PRSS50: variants seen among roughly 807,000 people sequenced by gnomAD.
The protein encoded by PRSS50 is serine protease 50.
In PRSS50, 23 loss-of-function variants were observed where a neutral mutation model predicts 34.2. The observed-to-expected ratio is 0.67, with a 90% CI of 0.48 to 0.95. The LOEUF is 0.95. Ranked by LOEUF, PRSS50 falls within the 40% of genes least tolerant of loss-of-function variation. PRSS50 has a pLI of 0.00. For synonymous variants in PRSS50, 224 were observed against 211.2 expected, an observed-to-expected ratio of 1.06 and a Z score of -0.53; for missense variants, 484 against 513.4, an observed-to-expected ratio of 0.94 and a Z score of 0.55.
In PRSS50 at chr3:46,714,233, G is replaced by T; in HGVS notation, c.739C>A (p.Leu247Ile). 6.2e-7 allele frequency: 1 copy of T among 1,613,998 alleles called. No homozygotes were observed. ...HSRCTVTGWG[L>I]SKADGMWPQF... ...TTTGACTCACCGTCAGCCTTGGAAAGTCCCCAGCCCGTCACAGTGCAGCGG... is the reference window on the plus strand; with the variant it reads ...TTTGACTCACCGTCAGCCTTGGAAATTCCCCAGCCCGTCACAGTGCAGCGG... The change falls in exon 4 of 6, where the codon CTT becomes ATT. Residue 247 changes from leucine to isoleucine, a missense_variant. Coordinates refer to ENST00000315170, the MANE Select transcript of PRSS50 (RefSeq NM_013270.5).
rs369790389 is a variant in PRSS50 at position 46,717,662 on chromosome 3, G to C, written c.107-25C>G. The C allele has an allele frequency of 1.7e-5, 27 of 1,608,674 alleles. No homozygotes were observed. Among genetic ancestry groups the C allele is most frequent in the Non-Finnish European group, 2.2e-5 (26 of 1,177,720 alleles). On this transcript the variant is annotated intron_variant, in intron 1 of 5. Coordinates refer to ENST00000315170, the MANE Select transcript of PRSS50 (RefSeq NM_013270.5). The surrounding 1 kb of genome is among the most constrained non-coding windows in gnomAD (Gnocchi z 4.5). ...CCTGCGGAGGACGTCGAGCGGATTA[G>C]AGGTGGAAGGCGAGGGCCGCGTCAG...
chr3:46,714,547 G>T (rs1441126665), intron 3 of PRSS50, 46 bp from the exon 4 acceptor site: 12 of 1,496,902 alleles, frequency 8.0e-6, no homozygotes, highest in Non-Finnish European at 1.1e-5. Context: ...CAGGCCCCCT[G>T]CCCCAGCCTC....
At position 46,712,139 on chromosome 3, in the gene PRSS50, T is replaced by G; in HGVS notation, c.*107A>C. 1.0e-6 allele frequency: 1 copy of G among 996,250 alleles called. No homozygotes were observed. Among genetic ancestry groups the G allele is most frequent in the Non-Finnish European group, 1.5e-6 (1 of 676,824 alleles). 61.7% of individuals were successfully genotyped at this position (996,250 alleles called of 1,614,324 possible). A position where few individuals can be genotyped will look rare whatever the true frequency, so the allele number is the denominator to read the frequency against. On this transcript the variant is annotated 3_prime_UTR_variant, in exon 6 of 6. Transcript: ENST00000315170. ...AGGCATGGAAAACAGTAATGTTTAA[T>G]TGAGCACCTCATCTCCACCCTGACT... is the stretch of plus-strand genomic sequence containing the variant.
chr3:46,715,665 G>T lies in PRSS50; in HGVS notation c.340C>A (p.Leu114Ile). The T allele has an allele frequency of 1.2e-6, 2 of 1,609,986 alleles. No individual in the cohort carries two copies. The highest frequency in any genetic ancestry group is 1.7e-6 in the Non-Finnish European group (2 of 1,178,172). Reference sequence around the variant, plus strand: ...CGAGCCACGGCTTCTGGGTCCCTGAGGGTGGGGTCCTGCTCGTAGGAAAAG... The same window carrying T: ...CGAGCCACGGCTTCTGGGTCCCTGATGGTGGGGTCCTGCTCGTAGGAAAAG... ...CGFSYEQDPTLRDPEAVARRW... is the reference protein window; with the variant it reads ...CGFSYEQDPTIRDPEAVARRW... Residue 114 changes from leucine to isoleucine, a missense_variant, in exon 3 of 6, where the codon CTC becomes ATC. Transcript: ENST00000315170. This position sits in a 1 kb window ranked among gnomAD's most constrained non-coding sequence, Gnocchi z 5.2.
At position 46,712,360 on chromosome 3, in the gene PRSS50, G is replaced by C. The variant is rs1700631717; in HGVS notation, c.1044C>G (p.Ser348=). 2 of 1,614,022 alleles carry C rather than the reference G, an allele frequency of 1.2e-6. No homozygotes were observed. The highest frequency in any genetic ancestry group is 1.1e-5 in the South Asian group (1 of 91,072). ...EAPPIYLQVS[S]YQHWIWDCLN... ...GGCAGTCCCAGATCCAGTGTTGGTA[G>C]GAGGAGACCTGTAGGTAGATGGGTG... Residue 348 remains serine (S), a synonymous_variant, in exon 6 of 6, where the codon TCC becomes TCG. Transcript: ENST00000315170.
At chr3:46,712,689 C>T (rs566840521) in intron 5 of PRSS50, among the ~76,000 whole-genome samples, 1 of 148,238 alleles carries the variant, frequency 6.7e-6, no homozygotes, top group Non-Finnish European at 1.5e-5. Flanking sequence ...TCCCCACGGA[C>T]CCCCCACTCC....
rs2106796797 is a variant in PRSS50, at chr3:46,717,362, C to T, written c.307+75G>A. ...GCTCGCCCCCGTCCCTTCTGCTCCCCTAGCCCCAGCCAAGGTCCTTAAGAC... is the reference window on the plus strand; with the variant it reads ...GCTCGCCCCCGTCCCTTCTGCTCCCTTAGCCCCAGCCAAGGTCCTTAAGAC... On this transcript the variant is annotated intron_variant, in intron 2 of 5. Transcript: ENST00000315170. This position sits in a 1 kb window ranked among gnomAD's most constrained non-coding sequence, Gnocchi z 4.5. The T allele has an allele frequency of 1.3e-6, 2 of 1,548,144 alleles. No homozygotes were observed. The highest frequency in any genetic ancestry group is 2.2e-5 in the East Asian group (1 of 44,466).
chr3:46,717,682 C>T lies in PRSS50; in HGVS notation c.106+37G>A, dbSNP rs1326127228. ...GATTAGAGGTGGAAGGCGAGGGCCGCGTCAGGCGGGTGGGGTAGGGATCGG... is the reference window on the plus strand; with the variant it reads ...GATTAGAGGTGGAAGGCGAGGGCCGTGTCAGGCGGGTGGGGTAGGGATCGG... On this transcript the variant is annotated intron_variant, in intron 1 of 5. Transcript: ENST00000315170. The surrounding 1 kb of genome is among the most constrained non-coding windows in gnomAD (Gnocchi z 4.5). 7 of 1,600,766 alleles carry T rather than the reference C, an allele frequency of 4.4e-6. No homozygotes were observed. The Admixed American group carries it at 5.2e-5, about 12-fold the overall frequency.
At position 46,714,429 on chromosome 3, in the gene PRSS50, G is replaced by C. The variant is rs367589012; in HGVS notation, c.543C>G (p.Val181=). ...IDQMTQTASD[V]PVLQVIMHSR... ...TATGCATGATGACCTGGAGCACCGG[G>C]ACATCGGAGGCGGTCTGCGTCATCT... Residue 181 remains valine, a synonymous_variant, in exon 4 of 6, where the codon GTC becomes GTG. Transcript: ENST00000315170. The C allele has an allele frequency of 1.2e-6, 2 of 1,611,948 alleles. No individual in the cohort carries two copies. Among genetic ancestry groups the C allele is most frequent in the Non-Finnish European group, 1.7e-6 (2 of 1,179,142 alleles).
Position 46,712,413 on chromosome 3 carries a change from C to T in PRSS50, c.991G>A (p.Gly331Ser). The T allele has an allele frequency of 1.2e-6, 2 of 1,614,028 alleles. No individual in the cohort carries two copies. The highest frequency in any genetic ancestry group is 1.3e-5 in the African/African-American group (1 of 74,998). The change falls in exon 6 of 6, where the codon GGT becomes AGT. Residue 331 changes from glycine to serine, a missense_variant. By Grantham distance (56) the Gly-to-Ser change is moderately conservative. Transcript: ENST00000315170. ...GCCTCGCTCTTCTGGCAGCCTGCACCCCAGCTCACCAATCCCACCAGGTAC... is the reference window on the plus strand; with the variant it reads ...GCCTCGCTCTTCTGGCAGCCTGCACTCCAGCTCACCAATCCCACCAGGTAC... ...TWYLVGLVSW[G>S]AGCQKSEAPP...
chr3:46,714,789 C>T (rs565763699), intron 3 of PRSS50, among the ~76,000 whole-genome samples: 3 of 152,282 alleles, frequency 2.0e-5, no homozygotes, highest in East Asian at 1.9e-4. Context: ...GGAAGGGATG[C>T]GGACCCAGTT....
rs1272321877 is a variant in PRSS50 at position 46,716,153 on chromosome 3, A to G, written c.308-456T>C. ...GATGCCCCAACAGAAAAATGGGCATAGTCCAAGGAGAAAATCCCAGTAGCC... is the reference window on the plus strand; with the variant it reads ...GATGCCCCAACAGAAAAATGGGCATGGTCCAAGGAGAAAATCCCAGTAGCC... On this transcript the variant is annotated intron_variant, in intron 2 of 5. Coordinates refer to ENST00000315170, the MANE Select transcript of PRSS50 (RefSeq NM_013270.5). The surrounding 1 kb of genome is among the most constrained non-coding windows in gnomAD (Gnocchi z 4.4). Among the ~76,000 whole-genome samples the G allele has an allele frequency of 6.6e-6, 1 of 152,234 alleles. No homozygotes were observed. Among genetic ancestry groups the G allele is most frequent in the Non-Finnish European group, 1.5e-5 (1 of 68,036 alleles).
Position 46,717,540 on chromosome 3 carries a change from G to A in PRSS50, c.204C>T (p.Ser68=). The part of the protein sequence containing the change: ...QCVPKATCPS[S]RPRLLWQTPT... ...GGGTCTGCCAGAGAAGGCGAGGCCG[G>A]CTGGAAGGACAGGTGGCCTTGGGGA... The change falls in exon 2 of 6, where the codon AGC becomes AGT. Residue 68 remains serine, a synonymous_variant. Transcript: ENST00000315170. This position sits in a 1 kb window ranked among gnomAD's most constrained non-coding sequence, Gnocchi z 4.5. 6.2e-7 allele frequency: 1 copy of A among 1,613,860 alleles called. No individual in the cohort carries two copies.
At position 46,717,489 on chromosome 3, in the gene PRSS50, G is replaced by A. The variant is rs765627848; in HGVS notation, c.255C>T (p.Thr85=). 2 of 1,613,984 alleles carry A rather than the reference G, an allele frequency of 1.2e-6. No individual in the cohort carries two copies. The highest frequency in any genetic ancestry group is 4.5e-5 in the East Asian group (2 of 44,866). The change falls in exon 2 of 6, where the codon ACC becomes ACT. Residue 85 remains threonine, a synonymous_variant. Coordinates refer to ENST00000315170, the MANE Select transcript of PRSS50 (RefSeq NM_013270.5). The surrounding 1 kb of genome is among the most constrained non-coding windows in gnomAD (Gnocchi z 4.5). ...AAACTGGGAATTGGGTCTCCATGGT[G>A]GTCGAGGGCAGTGTCTGGGTGGTCG... ...QTPTTQTLPS[T]TMETQFPVSE... is the part of the protein sequence containing the mutation.
chr3:46,715,449 C>T lies in PRSS50; in HGVS notation c.470+86G>A, dbSNP rs941473231. 5 of 1,529,804 alleles carry T rather than the reference C, an allele frequency of 3.3e-6. No homozygotes were observed. Among genetic ancestry groups the T allele is most frequent in the Admixed American group, 3.6e-5 (2 of 55,708 alleles). 94.8% of individuals were successfully genotyped at this position (1,529,804 alleles called of 1,614,324 possible). A position where few individuals can be genotyped will look rare whatever the true frequency, so the allele number is the denominator to read the frequency against. On this transcript the variant is annotated intron_variant, in intron 3 of 5. Coordinates refer to ENST00000315170, the MANE Select transcript of PRSS50 (RefSeq NM_013270.5). The surrounding 1 kb of genome is among the most constrained non-coding windows in gnomAD (Gnocchi z 5.2). ...ATGAGGCTGGGGCTGGGACTGTGGG[C>T]CCAGAACAGCTGGCAGGGAGGGGAT...
chr3:46,714,429 G>A lies in PRSS50; in HGVS notation c.543C>T (p.Val181=). 1 of 1,611,948 alleles carries A rather than the reference G, an allele frequency of 6.2e-7. No homozygotes were observed. The highest frequency in any genetic ancestry group is 8.5e-7 in the Non-Finnish European group (1 of 1,179,142). The change falls in exon 4 of 6, where the codon GTC becomes GTT. Residue 181 remains valine (V), a synonymous_variant. Coordinates refer to ENST00000315170, the MANE Select transcript of PRSS50 (RefSeq NM_013270.5). ...IDQMTQTASD[V]PVLQVIMHSR... Reference sequence around the variant, plus strand: ...TATGCATGATGACCTGGAGCACCGGGACATCGGAGGCGGTCTGCGTCATCT... The same window carrying A: ...TATGCATGATGACCTGGAGCACCGGAACATCGGAGGCGGTCTGCGTCATCT...
In PRSS50 at chr3:46,715,365, A is replaced by AAC. The variant is rs527242989; in HGVS notation, c.470+169_470+170insGT. ...GAGGGGAGCGAACGGTGGGACACTGAAAAGACTGGAGCTCTGAAGGAATTT... is the reference window on the plus strand; with the variant it reads ...GAGGGGAGCGAACGGTGGGACACTGAACAAAGACTGGAGCTCTGAAGGAATTT... On this transcript the variant is annotated intron_variant, in intron 3 of 5. Coordinates refer to ENST00000315170, the MANE Select transcript of PRSS50 (RefSeq NM_013270.5). This position sits in a 1 kb window ranked among gnomAD's most constrained non-coding sequence, Gnocchi z 5.2. 1.5e-3 allele frequency among the ~76,000 whole-genome samples: 229 copies of AAC among 152,324 alleles called. 4 individuals are homozygous for AAC. The highest frequency in any genetic ancestry group is 5.2e-3 in the African/African-American group (216 of 41,572).
chr3:46,713,562 C>T (rs1559498443), intron 4 of PRSS50, among the ~76,000 whole-genome samples: 2 of 152,260 alleles, frequency 1.3e-5, no homozygotes, highest in South Asian at 2.1e-4. Context: ...AAGTCACTCC[C>T]AGGTCCTCCC....
Position 46,712,950 on chromosome 3 carries a change from TTGA to T in PRSS50, c.869_871del (p.Ile290del), listed in dbSNP as rs1279184977. ...GTCCTCCGCACACATCATCTGGGAC[TTGA>T]TGATCTGAACCAGAGTGGGGATTTT... On this transcript the variant is annotated inframe_deletion, in exon 5 of 6. Transcript: ENST00000315170. 6 of 1,614,176 alleles carry T rather than the reference TTGA, an allele frequency of 3.7e-6. No individual in the cohort carries two copies. The highest frequency in any genetic ancestry group is 1.7e-5 in the Admixed American group (1 of 60,028).
Sources: gnomAD v4.1 joint callset for allele counts (sites outside exome capture counted in the v4.1 genomes callset) on GRCh38, gnomAD v4.1.1 for gene constraint, Gnocchi (gnomAD v3.1) non-coding constraint, MANE v1.5 for transcripts, NCBI Gene and HGNC (gene_info 2026-07-23, HGNC 2026-07-21) for gene names.